The following SPAG16 variants were observed in gnomAD, a reference collection of about 807,000 sequenced individuals.
SPAG16 encodes the protein sperm associated antigen 16, also known as sperm-associated antigen 16 protein.
Under a neutral mutation model 80.4 loss-of-function variants are expected in SPAG16, and 86 were observed. The ratio of observed to expected loss-of-function variants is 1.07; its 90% CI spans 0.90 to 1.28. The LOEUF is 1.28. Ranked by LOEUF, SPAG16 falls within the 50% of genes most tolerant of loss-of-function variation. SPAG16 has a pLI of 0.00. For synonymous variants in SPAG16, 294 were observed against 265.9 expected (o/e 1.11, Z -1.03); for missense variants, 870 against 765.3 (o/e 1.14, Z -1.61).
intron 15 of SPAG16, among the ~76,000 whole-genome samples, chr2:214,356,361 A>C (rs1434558878): frequency 1.3e-5 from 2 of 151,938 alleles, no homozygotes; most frequent in Non-Finnish European, 2.9e-5. Flanking sequence ...ATTGCATGCA[A>C]GTGATCCCAA....
intron 14 of SPAG16, among the ~76,000 whole-genome samples, chr2:214,138,210 T>A (rs949624185): frequency 1.3e-5 from 2 of 152,056 alleles, no homozygotes; most frequent in Non-Finnish European, 2.9e-5. Context: ...AAAATATAAA[T>A]TTGTAAAGAA....
At chr2:213,973,170 C>T (rs2045172795) in intron 12 of SPAG16, among the ~76,000 whole-genome samples, 1 of 152,128 alleles carries the variant, frequency 6.6e-6, no homozygotes, top group Non-Finnish European at 1.5e-5. Context: ...AGCATGCATC[C>T]TATCCTAGTC....
chr2:213,717,194 G>T (rs549285696), intron 10 of SPAG16, among the ~76,000 whole-genome samples: 3 of 141,942 alleles, frequency 2.1e-5, no homozygotes, highest in African/African-American at 5.3e-5. Flanking sequence ...CTCGTCTGTC[G>T]CCCAGGCTGG....
chr2:214,229,293 G>A (rs1398485115), intron 15 of SPAG16, among the ~76,000 whole-genome samples: 1 of 151,748 alleles, frequency 6.6e-6, no homozygotes, highest in African/African-American at 2.4e-5. Flanking sequence ...TGGAACATGA[G>A]GTGTAACTAA....
intron 15 of SPAG16, among the ~76,000 whole-genome samples, chr2:214,358,613 C>T (rs906015007): frequency 1.3e-5 from 2 of 151,622 alleles, no homozygotes; most frequent in South Asian, 2.1e-4. Flanking sequence ...CTTCTCATAC[C>T]ACCCCTGTAG....
chr2:213,595,215 C>G (rs2060846899), intron 10 of SPAG16, among the ~76,000 whole-genome samples: 1 of 152,050 alleles, frequency 6.6e-6, no homozygotes, highest in South Asian at 2.1e-4. Flanking sequence ...ATAACACATT[C>G]AAAAGAATTC....
chr2:214,212,419 C>T (rs1320559820), intron 15 of SPAG16, among the ~76,000 whole-genome samples: 1 of 152,142 alleles, frequency 6.6e-6, no homozygotes, highest in African/African-American at 2.4e-5. Flanking sequence ...CTCCCTGCAT[C>T]CATCAATCTC....
intron 10 of SPAG16, among the ~76,000 whole-genome samples, chr2:213,522,680 T>TG (rs1441211040): frequency 6.6e-6 from 1 of 152,028 alleles, no homozygotes; most frequent in Non-Finnish European, 1.5e-5. Context: ...TTTCTTGAAA[T>TG]GGGGGTCTGG....
chr2:214,160,310 C>A (rs1203466416), intron 15 of SPAG16, among the ~76,000 whole-genome samples: 1 of 151,242 alleles, frequency 6.6e-6, no homozygotes, highest in Non-Finnish European at 1.5e-5. Context: ...ATCCTTTATG[C>A]CTTTCATAAT....
intron 8 of SPAG16, among the ~76,000 whole-genome samples, chr2:213,369,638 C>T (rs2066522749): frequency 1.3e-5 from 2 of 152,026 alleles, no homozygotes; most frequent in Admixed American, 1.3e-4. Context: ...TATTCTCAGA[C>T]ATGACTAGAT....
At chr2:213,735,086 T>C (rs1267186529) in intron 10 of SPAG16, among the ~76,000 whole-genome samples, 1 of 152,162 alleles carries the variant, frequency 6.6e-6, no homozygotes, top group African/African-American at 2.4e-5. Flanking sequence ...TATCTCCTAA[T>C]TTACCCCTTC....
chr2:213,826,970 A>G (rs2073342094), intron 10 of SPAG16, among the ~76,000 whole-genome samples: 1 of 151,892 alleles, frequency 6.6e-6, no homozygotes, highest in African/African-American at 2.4e-5. Flanking sequence ...TCATTATATG[A>G]TGACTTTCTT....
At chr2:213,645,652 C>T (rs753979200) in intron 10 of SPAG16, among the ~76,000 whole-genome samples, 2 of 152,098 alleles carry the variant, frequency 1.3e-5, no homozygotes, top group Non-Finnish European at 2.9e-5. Context: ...CCCTTCTTCT[C>T]TCTCCTCTTC....
chr2:213,580,366 A>G (rs946399276), intron 10 of SPAG16, among the ~76,000 whole-genome samples: 3 of 152,044 alleles, frequency 2.0e-5, no homozygotes, highest in Admixed American at 6.6e-5. Context: ...GTCATGTAAA[A>G]CTTAAATTTG....
intron 15 of SPAG16, among the ~76,000 whole-genome samples, chr2:214,212,813 A>G (rs1481900344): frequency 6.6e-6 from 1 of 152,230 alleles, no homozygotes; most frequent in East Asian, 1.9e-4. Flanking sequence ...TCCCTAACTA[A>G]TAGCCAGTTG....
At chr2:213,358,294 A>G (rs1281290776) in intron 7 of SPAG16, among the ~76,000 whole-genome samples, 1 of 152,068 alleles carries the variant, frequency 6.6e-6, no homozygotes, top group Non-Finnish European at 1.5e-5. Context: ...CTGAATTTGA[A>G]TGTTGGCCTG....
chr2:213,313,358 C>G (rs913099167), intron 4 of SPAG16, among the ~76,000 whole-genome samples: 5 of 151,856 alleles, frequency 3.3e-5, no homozygotes, highest in African/African-American at 9.7e-5. Flanking sequence ...AGGCTTATCA[C>G]TCAGAAATTT....
At chr2:213,540,345 C>G (rs1022388541) in intron 10 of SPAG16, among the ~76,000 whole-genome samples, 7 of 151,964 alleles carry the variant, frequency 4.6e-5, no homozygotes, top group Non-Finnish European at 7.4e-5. Context: ...CCACCATGCC[C>G]GGCCCAAAAA....
At chr2:213,531,015 T>C (rs2076047897) in intron 10 of SPAG16, among the ~76,000 whole-genome samples, 1 of 152,204 alleles carries the variant, frequency 6.6e-6, no homozygotes, top group Non-Finnish European at 1.5e-5. Flanking sequence ...TCTGTTTTTC[T>C]TTTAAGTTCC....
Sources: allele counts gnomAD v4.1 joint callset (sites outside exome capture counted in the v4.1 genomes callset), GRCh38; gene constraint gnomAD v4.1.1; transcripts MANE v1.5; gene names NCBI Gene and HGNC (gene_info 2026-07-23, HGNC 2026-07-21).